RAB9A: variants seen among roughly 807,000 people sequenced by gnomAD.
The protein encoded by RAB9A is RAB9A, member RAS oncogene family.
In RAB9A, 1 loss-of-function variant was observed where a neutral mutation model predicts 10.3. The ratio of observed to expected loss-of-function variants is 0.10; its 90% confidence interval spans 0.03 to 0.46. The LOEUF is 0.46. RAB9A is among the 20% of genes least tolerant of loss of function. RAB9A has a pLI of 0.96. For missense variants in RAB9A, 92 were observed against 150.3 expected (o/e 0.61, Z 2.03); for synonymous variants, 39 against 55.2 (o/e 0.71, Z 1.30).
At chrX:13,703,201 A>G (rs1001381139) in intron 1 of RAB9A, among the ~76,000 whole-genome samples, 3 of 112,652 alleles carry the variant, frequency 2.7e-5, no homozygotes, top group Admixed American at 1.9e-4. Context: ...ATGCATAGGC[A>G]GCTGGGATTG....
At chrX:13,704,840 G>A (rs1322372709) in intron 2 of RAB9A, among the ~76,000 whole-genome samples, 2 of 110,973 alleles carry the variant, frequency 1.8e-5, no homozygotes, top group Non-Finnish European at 3.8e-5. Flanking sequence ...GGCTGGTCTC[G>A]AACTCCTGAC....
At chrX:13,703,287 A>G (rs1476782190) in intron 1 of RAB9A, among the ~76,000 whole-genome samples, 3 of 111,859 alleles carry the variant, frequency 2.7e-5, no homozygotes, top group African/African-American at 9.8e-5. Flanking sequence ...ACCTTTTACT[A>G]GGTGTGTGAC....
rs2046149021 is a variant in RAB9A at position 13,696,600 on chromosome X, TC to T, written c.-115-7211del. ...AATGAAGTCCTGAGAGAAGAACTTT[TC>T]CCTGTATTCACCTTAGGGTTGTATG... On this transcript the variant is annotated intron_variant, in intron 1 of 2. Transcript: ENST00000464506. 2.7e-5 allele frequency among the ~76,000 whole-genome samples: 3 copies of T among 112,054 alleles called. No individual in the cohort carries two copies. In the South Asian group the frequency reaches 1.1e-3, roughly 42 times the overall value.
chrX:13,689,797 G>T (rs180878966), intron 1 of RAB9A, among the ~76,000 whole-genome samples: 97 of 112,185 alleles, frequency 8.6e-4, no homozygotes, highest in African/African-American at 2.9e-3. Flanking sequence ...GAGGAATTCG[G>T]AAAGTAAAGC....
intron 1 of RAB9A, among the ~76,000 whole-genome samples, chrX:13,701,249 A>G (rs1037106389): frequency 7.4e-5 from 8 of 108,585 alleles, no homozygotes; most frequent in African/African-American, 2.7e-4. Context: ...TCCGTTGACA[A>G]CCATGAATCT....
In RAB9A at chrX:13,689,128, A is replaced by T. The variant is rs1236934049; in HGVS notation, c.-276A>T. On this transcript the variant is annotated 5_prime_UTR_variant, in exon 1 of 3. The change abolishes an upstream ATG in the 5' untranslated region. Coordinates refer to ENST00000464506, the MANE Select transcript of RAB9A (RefSeq NM_004251.5). Reference sequence around the variant, plus strand: ...CCTGGCCCCGCCCCGGCCCGTCGCCATGTTGTTCCCTCCGCGCTGGACGGG... The same window carrying T: ...CCTGGCCCCGCCCCGGCCCGTCGCCTTGTTGTTCCCTCCGCGCTGGACGGG... 9.0e-6 allele frequency: 1 copy of T among 111,599 alleles called. No homozygotes were observed. Among genetic ancestry groups the T allele is most frequent in the Non-Finnish European group, 1.9e-5 (1 of 52,868 alleles). 9.2% of individuals were successfully genotyped at this position (111,599 alleles called of 1,213,427 possible). A position where few individuals can be genotyped will look rare whatever the true frequency, so the allele number is the denominator to read the frequency against.
At chrX:13,705,648 C>T (rs186904978) in intron 2 of RAB9A, among the ~76,000 whole-genome samples, 1 of 111,929 alleles carries the variant, frequency 8.9e-6, no homozygotes, top group East Asian at 2.8e-4. Flanking sequence ...TACAGTAAAA[C>T]TTTGTGTCTG....
Position 13,689,174 on chromosome X carries a change from G to C in RAB9A, c.-230G>C, listed in dbSNP as rs1010192490. Reference sequence around the variant, plus strand: ...ACGGGAGCAGCTGGAGCGGGAGCCTGGCTGCGCTACCGCGGCTGCCTCCTG... The same window carrying C: ...ACGGGAGCAGCTGGAGCGGGAGCCTCGCTGCGCTACCGCGGCTGCCTCCTG... On this transcript the variant is annotated 5_prime_UTR_variant, in exon 1 of 3. Transcript: ENST00000464506. The C allele has an allele frequency of 2.7e-4, 31 of 113,334 alleles. No individual in the cohort carries two copies. The highest frequency in any genetic ancestry group is 9.9e-4 in the African/African-American group (31 of 31,257). 9.3% of individuals were successfully genotyped at this position (113,334 alleles called of 1,213,427 possible). A position where few individuals can be genotyped will look rare whatever the true frequency, so the allele number is the denominator to read the frequency against.
intron 1 of RAB9A, among the ~76,000 whole-genome samples, chrX:13,691,481 G>A (rs1252317602): frequency 9.1e-6 from 1 of 110,000 alleles, no homozygotes; most frequent in African/African-American, 3.3e-5. Context: ...CCAACATGGT[G>A]AAACTCCGTT....
intron 1 of RAB9A, among the ~76,000 whole-genome samples, chrX:13,695,663 T>A (rs2046144428): frequency 8.9e-6 from 1 of 111,807 alleles, no homozygotes; most frequent in Non-Finnish European, 1.9e-5. Context: ...TTAGCTCAGT[T>A]TTAGATATGT....
chrX:13,697,649 AAG>A (rs1266399165), intron 1 of RAB9A, among the ~76,000 whole-genome samples: 3 of 112,256 alleles, frequency 2.7e-5, no homozygotes, highest in Admixed American at 9.4e-5. Flanking sequence ...GAGGGAGAAA[AAG>A]AGGAAATTCT....
intron 2 of RAB9A, 77 bp from the exon 3 acceptor site, chrX:13,708,643 TA>T: frequency 1.1e-6 from 1 of 935,110 alleles, no homozygotes; most frequent in Non-Finnish European, 1.5e-6. Context: ...TTATTTCAGC[TA>T]AATGCTGATA....
chrX:13,706,934 C>G (rs2046200169), intron 2 of RAB9A, among the ~76,000 whole-genome samples: 1 of 111,611 alleles, frequency 9.0e-6, no homozygotes, highest in South Asian at 3.7e-4. Flanking sequence ...ATAATGTTTA[C>G]TGCAGTGATT....
In RAB9A at chrX:13,695,574, G is replaced by A. The variant is rs1026604293; in HGVS notation, c.-116+6286G>A. Among the ~76,000 whole-genome samples the A allele has an allele frequency of 6.2e-5, 7 of 112,420 alleles. No individual in the cohort carries two copies. The South Asian group carries it at 2.2e-3, about 36-fold the overall frequency. On this transcript the variant is annotated intron_variant, in intron 1 of 2. Coordinates refer to ENST00000464506, the MANE Select transcript of RAB9A (RefSeq NM_004251.5). Reference sequence around the variant, plus strand: ...GCAAGGCAATAGCAATAGGTAGTGCGAAAAGTGGACATATTTCATGTGTGG... The same window carrying A: ...GCAAGGCAATAGCAATAGGTAGTGCAAAAAGTGGACATATTTCATGTGTGG...
Position 13,708,832 on chromosome X carries a change from C to T in RAB9A, c.86C>T (p.Thr29Ile). ...AGTTCACTTATGAACAGATATGTAACTAATAAGTTTGATACCCAGCTCTTC... is the reference window on the plus strand; with the variant it reads ...AGTTCACTTATGAACAGATATGTAATTAATAAGTTTGATACCCAGCTCTTC... ...GKSSLMNRYV[T>I]NKFDTQLFHT... is the part of the protein sequence containing the mutation. The change falls in exon 3 of 3, where the codon ACT becomes ATT. Residue 29 changes from threonine (T) to isoleucine (I), a missense_variant. Thr to Ile is a moderately conservative substitution (Grantham distance 89). Transcript: ENST00000464506. 1.7e-6 allele frequency: 2 copies of T among 1,208,028 alleles called. No individual in the cohort carries two copies. The highest frequency in any genetic ancestry group is 2.2e-6 in the Non-Finnish European group (2 of 892,474).
At chrX:13,702,460 G>T (rs1198771924) in intron 1 of RAB9A, among the ~76,000 whole-genome samples, 1 of 112,128 alleles carries the variant, frequency 8.9e-6, no homozygotes, top group Non-Finnish European at 1.9e-5. Context: ...CATTAACACA[G>T]TGTAACACAG....
intron 1 of RAB9A, among the ~76,000 whole-genome samples, chrX:13,697,204 C>T (rs1056297952): frequency 1.8e-5 from 2 of 111,817 alleles, no homozygotes; most frequent in African/African-American, 3.3e-5. Context: ...GGTTTCTTAT[C>T]GAACTGGAAG....
At chrX:13,691,169 T>G (rs143734888) in intron 1 of RAB9A, among the ~76,000 whole-genome samples, 1 of 111,456 alleles carries the variant, frequency 9.0e-6, no homozygotes, top group Non-Finnish European at 1.9e-5. Context: ...CACAACAGAG[T>G]TGTCTAGCCC....
chrX:13,692,480 C>G (rs973004609), intron 1 of RAB9A, among the ~76,000 whole-genome samples: 1 of 112,183 alleles, frequency 8.9e-6, no homozygotes, highest in East Asian at 2.8e-4. Flanking sequence ...AATTGAGAAG[C>G]CATTCTTGTT....
Sources: allele counts gnomAD v4.1 joint callset (sites outside exome capture counted in the v4.1 genomes callset), GRCh38; gene constraint gnomAD v4.1.1; transcripts MANE v1.5; gene names NCBI Gene and HGNC (gene_info 2026-07-23, HGNC 2026-07-21).